Variants in DVL3 observed in about 807,000 individuals in gnomAD.
DVL3 encodes dishevelled segment polarity protein 3.
DVL3 carries 27 observed loss-of-function variants against 67.4 expected under a neutral mutation model. The ratio of observed to expected loss-of-function variants is 0.40; its 90% CI spans 0.30 to 0.55. The LOEUF is 0.55. Ranked by LOEUF, DVL3 falls within the 20% of genes least tolerant of loss-of-function variation. The pLI, the probability that DVL3 is intolerant of heterozygous loss-of-function variation, is 0.46. For missense variants in DVL3, 819 were observed against 1,021.5 expected (o/e 0.80, Z 2.70); for synonymous variants, 369 against 396.8 (o/e 0.93, Z 0.83).
rs1560117794 is a variant in DVL3, at chr3:184,164,460, GC to G, written c.354-27del. On this transcript the variant is annotated intron_variant, in intron 3 of 14. Transcript: ENST00000313143. This position sits in a 1 kb window ranked among gnomAD's most constrained non-coding sequence, Gnocchi z 5.3. The stretch of plus-strand genomic sequence containing the variant: ...GGCTGGGGGAGGGAGCCCCCAGCCT[GC>G]CCCCTCCCCCATCAAGTCTCTTCCC... 6.3e-7 allele frequency: 1 copy of G among 1,598,574 alleles called. No individual in the cohort carries two copies. The highest frequency in any genetic ancestry group is 1.1e-5 in the South Asian group (1 of 89,440).
Position 184,166,081 on chromosome 3 carries a change from GTAGGAACCTTGC to G in DVL3, c.764-43_764-32del. 6.2e-7 allele frequency: 1 copy of G among 1,600,506 alleles called. No individual in the cohort carries two copies. ...ATTTTCTAATGGGCTGGGAATGCGG[GTAGGAACCTTGC>G]TCCCCCTTAAGGTCTTAAATTACTC... On this transcript the variant is annotated intron_variant, in intron 7 of 14. Coordinates refer to ENST00000313143, the MANE Select transcript of DVL3 (RefSeq NM_004423.4). This position sits in a 1 kb window ranked among gnomAD's most constrained non-coding sequence, Gnocchi z 6.7.
At position 184,167,859 on chromosome 3, in the gene DVL3, C is replaced by A; in HGVS notation, c.1331-39C>A. Reference sequence around the variant, plus strand: ...TCTGTGAGGCCAGATGAGTCCAAGTCAGATGGGCCTCCCCATCAACTGGCA... The same window carrying A: ...TCTGTGAGGCCAGATGAGTCCAAGTAAGATGGGCCTCCCCATCAACTGGCA... On this transcript the variant is annotated intron_variant, in intron 12 of 14. Coordinates refer to ENST00000313143, the MANE Select transcript of DVL3 (RefSeq NM_004423.4). This position sits in a 1 kb window ranked among gnomAD's most constrained non-coding sequence, Gnocchi z 4.6. 1 of 1,613,820 alleles carries A rather than the reference C, an allele frequency of 6.2e-7. No individual in the cohort carries two copies. Among genetic ancestry groups the A allele is most frequent in the South Asian group, 1.1e-5 (1 of 90,954 alleles).
Position 184,167,037 on chromosome 3 carries a change from G to T in DVL3, c.1198+62G>T. 1 of 1,573,696 alleles carries T rather than the reference G, an allele frequency of 6.4e-7. No individual in the cohort carries two copies. Among genetic ancestry groups the T allele is most frequent in the Non-Finnish European group, 8.7e-7 (1 of 1,153,176 alleles). On this transcript the variant is annotated intron_variant, in intron 11 of 14. Coordinates refer to ENST00000313143, the MANE Select transcript of DVL3 (RefSeq NM_004423.4). This position sits in a 1 kb window ranked among gnomAD's most constrained non-coding sequence, Gnocchi z 4.6. ...AGGGCCAGGTGGGGGGACTGATGAG[G>T]GTCCATGTGGAGACTCTTGCTTGAG...
chr3:184,159,971 G>T (rs375088274), intron 1 of DVL3, among the ~76,000 whole-genome samples: 3 of 150,530 alleles, frequency 2.0e-5, no homozygotes, highest in Non-Finnish European at 3.0e-5. Context: ...AGGGAGTCTC[G>T]CTGTGTCGCC....
In DVL3 at chr3:184,164,763, CTG is replaced by C. The variant is rs1449807815; in HGVS notation, c.464-29_464-28del. 3.7e-6 allele frequency: 6 copies of C among 1,613,878 alleles called. No individual in the cohort carries two copies. Among genetic ancestry groups the C allele is most frequent in the Non-Finnish European group, 5.1e-6 (6 of 1,179,918 alleles). ...CCCTCCTTCACCCCTGCACTGGGCA[CTG>C]TGTAAACCCAACTGCTTCCATCCCC... On this transcript the variant is annotated intron_variant, in intron 4 of 14. Coordinates refer to ENST00000313143, the MANE Select transcript of DVL3 (RefSeq NM_004423.4). The surrounding 1 kb of genome is among the most constrained non-coding windows in gnomAD (Gnocchi z 5.3).
In DVL3 at chr3:184,171,091, A is replaced by G. The variant is rs908967762; in HGVS notation, c.*336A>G. On this transcript the variant is annotated 3_prime_UTR_variant, in exon 15 of 15. Coordinates refer to ENST00000313143, the MANE Select transcript of DVL3 (RefSeq NM_004423.4). The stretch of plus-strand genomic sequence containing the variant: ...CCCATTTTGGGAGTTGACCCCAGCA[A>G]TGACCTTGGTGGCACGCTCACTCCC... The G allele has an allele frequency of 2.4e-6, 3 of 1,232,958 alleles. No individual in the cohort carries two copies. The highest frequency in any genetic ancestry group is 3.1e-6 in the Non-Finnish European group (3 of 973,930). The allele number at this position is 1,232,958 out of a possible 1,614,324, so 76.4% of individuals were successfully genotyped here.
At chr3:184,169,936 A>C in intron 13 of DVL3, 70 bp from the exon 14 acceptor site, 1 of 1,386,162 alleles carries the variant, frequency 7.2e-7, no homozygotes. Flanking sequence ...TCTCATCCAG[A>C]GCCCACCTGA....
Position 184,170,212 on chromosome 3 carries a change from C to T in DVL3, c.1705C>T (p.His569Tyr), listed in dbSNP as rs776479215. The part of the protein sequence containing the change: ...SYGGGSASSQ[H>Y]SEGSRSSGSN... ...CGGCGGGGGCAGCGCCAGCAGTCAG[C>T]ACAGCGAAGGTAAGGTAGAGGGGCC... Residue 569 changes from histidine to tyrosine, a missense_variant, in exon 14 of 15, where the codon CAC becomes TAC. This residue lies in a region of DVL3 where 324 missense variants were observed against 331.3 expected (regional missense o/e 0.98). Transcript: ENST00000313143. The surrounding 1 kb of genome is among the most constrained non-coding windows in gnomAD (Gnocchi z 6.5). 1.9e-6 allele frequency: 3 copies of T among 1,611,498 alleles called. No individual in the cohort carries two copies. The African/African-American group carries it at 4.0e-5, about 22-fold the overall frequency.
Position 184,165,634 on chromosome 3 carries a change from T to G in DVL3, c.763+143T>G. ...TCAGCTGATACATAAACTGATCATT[T>G]TAGTATCTCACCATCAGGGCTATGA... On this transcript the variant is annotated intron_variant, in intron 7 of 14. Coordinates refer to ENST00000313143, the MANE Select transcript of DVL3 (RefSeq NM_004423.4). This position sits in a 1 kb window ranked among gnomAD's most constrained non-coding sequence, Gnocchi z 4.1. 1.4e-6 allele frequency: 1 copy of G among 708,286 alleles called. No individual in the cohort carries two copies. The highest frequency in any genetic ancestry group is 2.4e-6 in the Non-Finnish European group (1 of 409,768). The allele number at this position is 708,286 out of a possible 1,614,324, so 43.9% of individuals were successfully genotyped here. A position where few individuals can be genotyped will look rare whatever the true frequency, so the allele number is the denominator to read the frequency against.
chr3:184,170,619 C>T lies in DVL3; in HGVS notation c.2015C>T (p.Pro672Leu), dbSNP rs753752963. ...CCCCCCATGCTGATGATGCCCCCGC[C>T]GCCCGCGGCCATGGGGCCCCCAGGA... ...YGPPMLMMPP[P>L]PAAMGPPGAP... The change falls in exon 15 of 15, where the codon CCG (proline) becomes CTG (leucine). Residue 672 changes from proline to leucine, a missense_variant. Physicochemically the swap from Pro to Leu is moderately conservative, Grantham distance 98. Around this residue, in one of 3 missense-constraint regions of DVL3, gnomAD observed 324 missense variants for 331.3 expected, o/e 0.98. Coordinates refer to ENST00000313143, the MANE Select transcript of DVL3 (RefSeq NM_004423.4). This position sits in a 1 kb window ranked among gnomAD's most constrained non-coding sequence, Gnocchi z 6.5. 12 of 1,608,372 alleles carry T rather than the reference C, an allele frequency of 7.5e-6. No individual in the cohort carries two copies. In the East Asian group the frequency reaches 2.7e-4, roughly 36 times the overall value.
intron 1 of DVL3, among the ~76,000 whole-genome samples, chr3:184,161,347 A>G (rs1343807607): frequency 6.6e-6 from 1 of 152,080 alleles, no homozygotes; most frequent in Middle Eastern, 3.2e-3. Flanking sequence ...GAATCACTTG[A>G]ACCCGGGAGG....
At position 184,163,872 on chromosome 3, in the gene DVL3, G is replaced by A. The variant is rs759326723; in HGVS notation, c.231+146G>A. On this transcript the variant is annotated intron_variant, in intron 2 of 14. Coordinates refer to ENST00000313143, the MANE Select transcript of DVL3 (RefSeq NM_004423.4). The surrounding 1 kb of genome is among the most constrained non-coding windows in gnomAD (Gnocchi z 4.5). ...TGCAAATGAACTGCTTCTCACCCCA[G>A]ATTCTGTAACCTTTGATGAAAAGTG... is the stretch of plus-strand genomic sequence containing the variant. 10 of 715,782 alleles carry A rather than the reference G, an allele frequency of 1.4e-5. No individual in the cohort carries two copies. Among genetic ancestry groups the A allele is most frequent in the Non-Finnish European group, 2.1e-5 (9 of 423,514 alleles). The allele number at this position is 715,782 out of a possible 1,614,324, so 44.3% of individuals were successfully genotyped here. A position where few individuals can be genotyped will look rare whatever the true frequency, so the allele number is the denominator to read the frequency against.
intron 1 of DVL3, among the ~76,000 whole-genome samples, chr3:184,158,702 C>T (rs1373723231): frequency 2.0e-5 from 3 of 152,086 alleles, no homozygotes; most frequent in African/African-American, 7.2e-5. Context: ...AGTTGTGAGG[C>T]TCCTCAAGTC....
rs1714829912 is a variant in DVL3, at chr3:184,171,325, A to G, written c.*570A>G. ...CAACCTAAAGCTGTAGTCGCCTCCA[A>G]TAGCCATCCATGCCATCCCTGCCTG... On this transcript the variant is annotated 3_prime_UTR_variant, in exon 15 of 15. Transcript: ENST00000313143. 6.9e-6 allele frequency: 7 copies of G among 1,018,348 alleles called. No homozygotes were observed. Among genetic ancestry groups the G allele is most frequent in the Admixed American group, 5.9e-5 (1 of 16,946 alleles). 63.1% of individuals were successfully genotyped at this position (1,018,348 alleles called of 1,614,324 possible).
chr3:184,169,537 A>G (rs1183702964), intron 13 of DVL3, among the ~76,000 whole-genome samples: 1 of 152,068 alleles, frequency 6.6e-6, no homozygotes, highest in East Asian at 1.9e-4. Flanking sequence ...TCTACTAAAC[A>G]TACAAAAAAA....
Position 184,155,532 on chromosome 3 carries a change from TG to T in DVL3, c.-101del. Reference sequence around the variant, plus strand: ...CTGGCGCCGCCAGCAGCCGCCGAGCTGGGTTGAGCCGCTGGGCCGCGCCGCG... The same window carrying T: ...CTGGCGCCGCCAGCAGCCGCCGAGCTGGTTGAGCCGCTGGGCCGCGCCGCG... On this transcript the variant is annotated 5_prime_UTR_variant, in exon 1 of 15. Coordinates refer to ENST00000313143, the MANE Select transcript of DVL3 (RefSeq NM_004423.4). This position sits in a 1 kb window ranked among gnomAD's most constrained non-coding sequence, Gnocchi z 5.4. 1.4e-6 allele frequency: 1 copy of T among 731,896 alleles called. No homozygotes were observed. Among genetic ancestry groups the T allele is most frequent in the Non-Finnish European group, 1.7e-6 (1 of 599,560 alleles). 45.3% of individuals were successfully genotyped at this position (731,896 alleles called of 1,614,324 possible).
At chr3:184,169,721 A>G (rs953913656) in intron 13 of DVL3, among the ~76,000 whole-genome samples, 4 of 152,244 alleles carry the variant, frequency 2.6e-5, no homozygotes, top group Non-Finnish European at 5.9e-5. Context: ...CACTGAGGCC[A>G]GCAGAGAAAG....
rs1399164432 is a variant in DVL3 at position 184,163,191 on chromosome 3, C to T, written c.162-466C>T. On this transcript the variant is annotated intron_variant, in intron 1 of 14. Transcript: ENST00000313143. The surrounding 1 kb of genome is among the most constrained non-coding windows in gnomAD (Gnocchi z 4.5). ...GTGTGAGCTATCACGCCTGGCCTCC[C>T]CTTCTCTTTTCTAATTTTCTTAAAT... is the stretch of plus-strand genomic sequence containing the variant. Among the ~76,000 whole-genome samples, 4 of 152,148 alleles carry T rather than the reference C, an allele frequency of 2.6e-5. No individual in the cohort carries two copies. Among genetic ancestry groups the T allele is most frequent in the South Asian group, 4.1e-4 (2 of 4,828 alleles).
Position 184,161,158 on chromosome 3 carries a change from G to A in DVL3, c.162-2499G>A, listed in dbSNP as rs529694552. 8.5e-5 allele frequency among the ~76,000 whole-genome samples: 13 copies of A among 152,304 alleles called. No individual in the cohort carries two copies. In the Middle Eastern group the frequency reaches 0.014, roughly 159 times the overall value. On this transcript the variant is annotated intron_variant, in intron 1 of 14. Transcript: ENST00000313143. ...AAGAACAAGGGGGGCCAGGCACGGC[G>A]GCTCACGCCTGTAATCCCAGCATTT...
Sources: gnomAD v4.1 joint callset for allele counts (sites outside exome capture counted in the v4.1 genomes callset) on GRCh38, gnomAD v4.1.1 for gene constraint, gnomAD v4.1.1 regional missense constraint, Gnocchi (gnomAD v3.1) non-coding constraint, MANE v1.5 for transcripts, NCBI Gene and HGNC (gene_info 2026-07-23, HGNC 2026-07-21) for gene names.